The following DAB1 variants were observed in gnomAD, a reference collection of about 807,000 sequenced individuals.
The protein encoded by DAB1 is disabled homolog 1.
A neutral mutation model predicts 64.6 loss-of-function variants in DAB1; 15 were observed. That is an observed-to-expected ratio of 0.23 (90% CI 0.16 to 0.36). DAB1 has a LOEUF of 0.36. Ranked by LOEUF, DAB1 falls within the 10% of genes least tolerant of loss-of-function variation. The pLI is 1.00. For synonymous variants in DAB1, 235 were observed against 251.9 expected (o/e 0.93, Z 0.64); for missense variants, 596 against 706.7 (o/e 0.84, Z 1.78).
At chr1:57,707,605 C>G (rs993513781) in intron 6 of DAB1, among the ~76,000 whole-genome samples, 5 of 152,140 alleles carry the variant, frequency 3.3e-5, no homozygotes, top group African/African-American at 1.2e-4. Context: ...CAATTATATT[C>G]CAGACTGGCT....
intron 5 of DAB1, among the ~76,000 whole-genome samples, chr1:58,042,869 A>C (rs1049977053): frequency 2.6e-5 from 4 of 152,188 alleles, no homozygotes; most frequent in Non-Finnish European, 5.9e-5. Context: ...CATTATAATA[A>C]TCAGATTTGC....
At chr1:58,526,991 T>C (rs1238114059) in intron 2 of DAB1, among the ~76,000 whole-genome samples, 2 of 152,168 alleles carry the variant, frequency 1.3e-5, no homozygotes, top group African/African-American at 4.8e-5. Flanking sequence ...GAACTGACTT[T>C]CTTTTAATAG....
chr1:57,213,381 G>A (rs1029921859), intron 2 of DAB1, among the ~76,000 whole-genome samples: 1 of 152,010 alleles, frequency 6.6e-6, no homozygotes. Flanking sequence ...CCATACATCT[G>A]GTGCTCAACA....
chr1:57,282,297 T>C (rs1289674465), intron 2 of DAB1, among the ~76,000 whole-genome samples: 4 of 150,856 alleles, frequency 2.7e-5, no homozygotes, highest in East Asian at 3.9e-4. Context: ...GAAATCGCAG[T>C]CTGCACAAAA....
chr1:57,298,117 CT>C lies in DAB1; in HGVS notation c.-136-6952del, dbSNP rs373547642. Reference sequence around the variant, plus strand: ...GGGACTATGTCATTAACCTGTCAATCTTTTTTTTTTATTTTTATTTTTTAAT... The same window carrying C: ...GGGACTATGTCATTAACCTGTCAATCTTTTTTTTTATTTTTATTTTTTAAT... On this transcript the variant is annotated intron_variant, in intron 1 of 14. Transcript: ENST00000371236. Among the ~76,000 whole-genome samples the C allele has an allele frequency of 7.6e-4, 114 of 150,120 alleles. 2 individuals carry two copies. The South Asian group carries it at 0.016, about 21-fold the overall frequency.
At chr1:57,854,666 G>T (rs2101932241) in intron 1 of DAB1, among the ~76,000 whole-genome samples, 1 of 152,290 alleles carries the variant, frequency 6.6e-6, no homozygotes, top group East Asian at 1.9e-4. Context: ...CAAGCTGGTG[G>T]TCTGGTTGCT....
At chr1:57,959,179 T>G (rs775314528) in intron 5 of DAB1, among the ~76,000 whole-genome samples, 3 of 152,218 alleles carry the variant, frequency 2.0e-5, no homozygotes, top group South Asian at 4.1e-4. Context: ...TTGTATTCCT[T>G]AACCTTTCAT....
intron 4 of DAB1, among the ~76,000 whole-genome samples, chr1:58,236,746 G>A (rs1660061670): frequency 6.6e-6 from 1 of 152,144 alleles, no homozygotes. Context: ...AGCTCAAACC[G>A]AACACCACAC....
intron 5 of DAB1, chr1:58,056,034 G>A: frequency 1.2e-6 from 1 of 837,886 alleles, no homozygotes; most frequent in South Asian, 1.4e-5. Flanking sequence ...CACCGTGCCT[G>A]GCCTCATGTG....
intron 1 of DAB1, among the ~76,000 whole-genome samples, chr1:57,841,554 G>A (rs1393797706): frequency 6.6e-6 from 1 of 152,336 alleles, no homozygotes; most frequent in Non-Finnish European, 1.5e-5. Flanking sequence ...CTCAACTCTT[G>A]TCTTCTGCAC....
chr1:57,847,694 G>A (rs564382764), intron 1 of DAB1, among the ~76,000 whole-genome samples: 200 of 152,152 alleles, frequency 1.3e-3, no homozygotes, highest in African/African-American at 4.7e-3. Flanking sequence ...AATAAGAAAT[G>A]AGCTGTTACA....
At chr1:57,991,211 G>A (rs780315160) in intron 5 of DAB1, among the ~76,000 whole-genome samples, 54 of 152,196 alleles carry the variant, frequency 3.5e-4, no homozygotes, top group Non-Finnish European at 5.0e-4. Context: ...AATAGAGGCA[G>A]AGGCTATTAA....
chr1:58,042,728 C>T (rs1322004987), intron 5 of DAB1, among the ~76,000 whole-genome samples: 3 of 152,280 alleles, frequency 2.0e-5, no homozygotes, highest in African/African-American at 7.2e-5. Flanking sequence ...TACTTCAACA[C>T]ATCTGAAACT....
At chr1:58,370,675 C>T (rs963099658) in intron 3 of DAB1, among the ~76,000 whole-genome samples, 6 of 152,186 alleles carry the variant, frequency 3.9e-5, no homozygotes, top group Admixed American at 6.5e-5. Flanking sequence ...GTAATCCCCA[C>T]GTGTCAAGGG....
chr1:58,100,106 C>G (rs1441691759), intron 5 of DAB1, among the ~76,000 whole-genome samples: 1 of 152,112 alleles, frequency 6.6e-6, no homozygotes. Context: ...CTAAAATTTA[C>G]CATTTTAACA....
At chr1:57,938,773 C>T (rs10157626) in intron 5 of DAB1, among the ~76,000 whole-genome samples, 1 of 151,810 alleles carries the variant, frequency 6.6e-6, no homozygotes, top group East Asian at 2.0e-4. Flanking sequence ...TCCCCAGGCC[C>T]CCTGGAGGTA....
Position 57,501,609 on chromosome 1 carries a change from G to A in DAB1, n.625+147983C>T, listed in dbSNP as rs562763874. On this transcript the variant is annotated intron_variant and non_coding_transcript_variant, in intron 7 of 20. Coordinates refer to the DAB1 transcript ENST00000485760. ...GTAAAGTAAGGGATGCTATATTCAC[G>A]CAACAAATTACATTTGAAGAGAGTT... is the stretch of plus-strand genomic sequence containing the variant. 1.2e-3 allele frequency among the ~76,000 whole-genome samples: 181 copies of A among 152,234 alleles called. 1 individual carries two copies. The highest frequency in any genetic ancestry group is 4.2e-3 in the African/African-American group (174 of 41,536).
intron 5 of DAB1, among the ~76,000 whole-genome samples, chr1:58,125,040 CT>C (rs1217526401): frequency 1.3e-5 from 2 of 151,802 alleles, no homozygotes; most frequent in African/African-American, 4.8e-5. Context: ...GATTTTCTAA[CT>C]TTTCTGGGAT....
At chr1:58,261,201 T>C (rs2100417410) in intron 4 of DAB1, among the ~76,000 whole-genome samples, 1 of 152,208 alleles carries the variant, frequency 6.6e-6, no homozygotes, top group Admixed American at 6.5e-5. Flanking sequence ...CTGCATTCAG[T>C]GAACCCCAAA....
Sources: allele counts gnomAD v4.1 joint callset (sites outside exome capture counted in the v4.1 genomes callset), GRCh38; gene constraint gnomAD v4.1.1; transcripts MANE v1.5; gene names NCBI Gene and HGNC (gene_info 2026-07-23, HGNC 2026-07-21).